The following THSD4 variants were observed in gnomAD, a reference collection of about 807,000 sequenced individuals.
The protein encoded by THSD4 is thrombospondin type-1 domain-containing protein 4.
THSD4 carries 69 observed loss-of-function variants against 119.0 expected under a neutral mutation model. The ratio of observed to expected loss-of-function variants is 0.58; its 90% CI spans 0.48 to 0.71. The LOEUF is 0.71. Among genes scored for constraint, THSD4 ranks in the 30% least tolerant of loss-of-function variants. The probability of loss-of-function intolerance (pLI) is 0.00; values close to 1 mark genes in which losing one functional copy is unlikely to be tolerated. For synonymous variants in THSD4, 524 were observed against 540.4 expected, an observed-to-expected ratio of 0.97 and a Z score of 0.42; for missense variants, 1,393 against 1,391.1, an observed-to-expected ratio of 1.00 and a Z score of -0.02.
chr15:71,360,950 A>G (rs572693197), intron 6 of THSD4, among the ~76,000 whole-genome samples: 3 of 152,342 alleles, frequency 2.0e-5, no homozygotes, highest in South Asian at 2.1e-4. Context: ...GAGGTATACC[A>G]TACAATTTGG....
At chr15:71,365,886 A>G (rs2045955299) in intron 6 of THSD4, among the ~76,000 whole-genome samples, 1 of 152,190 alleles carries the variant, frequency 6.6e-6, no homozygotes, top group Non-Finnish European at 1.5e-5. Flanking sequence ...CAACACAGTC[A>G]CAGTCGCAAG....
intron 15 of THSD4, among the ~76,000 whole-genome samples, chr15:71,762,200 T>G (rs545554308): frequency 8.0e-5 from 12 of 150,426 alleles, no homozygotes; most frequent in Non-Finnish European, 1.6e-4. Flanking sequence ...TACACACACA[T>G]GAACACATTC....
At chr15:71,738,990 C>T (rs1040028978) in intron 11 of THSD4, among the ~76,000 whole-genome samples, 15 of 151,504 alleles carry the variant, frequency 9.9e-5, no homozygotes, top group Admixed American at 6.6e-4. Context: ...CATTAATAAA[C>T]GGAATACACT....
chr15:71,172,968 A>G (rs796759532), intron 3 of THSD4, among the ~76,000 whole-genome samples: 1 of 151,866 alleles, frequency 6.6e-6, no homozygotes, highest in Admixed American at 6.6e-5. Context: ...CAAAAACAAT[A>G]CAAGGATGCC....
rs1373019430 is a variant in THSD4 at position 71,781,317 on chromosome 15, A to T, written c.*3943A>T. Reference sequence around the variant, plus strand: ...TTTGGGCTAAAATGAAAAACTAAATACAAGGTGGGAGAGAGGCAAGAATTT... The same window carrying T: ...TTTGGGCTAAAATGAAAAACTAAATTCAAGGTGGGAGAGAGGCAAGAATTT... On this transcript the variant is annotated 3_prime_UTR_variant, in exon 18 of 18. Transcript: ENST00000261862. 6.5e-6 allele frequency: 1 copy of T among 154,498 alleles called. No individual in the cohort carries two copies. The highest frequency in any genetic ancestry group is 1.4e-5 in the Non-Finnish European group (1 of 69,446). 9.6% of individuals were successfully genotyped at this position (154,498 alleles called of 1,614,324 possible). A position where few individuals can be genotyped will look rare whatever the true frequency, so the allele number is the denominator to read the frequency against.
At chr15:71,459,318 C>G (rs1186868970) in intron 7 of THSD4, among the ~76,000 whole-genome samples, 1 of 151,318 alleles carries the variant, frequency 6.6e-6, no homozygotes, top group East Asian at 2.0e-4. Context: ...GCCACCATGC[C>G]CAACTATCTC....
chr15:71,195,629 A>G (rs1363010133), intron 3 of THSD4, among the ~76,000 whole-genome samples: 2 of 152,170 alleles, frequency 1.3e-5, no homozygotes, highest in African/African-American at 4.8e-5. Context: ...TAGGCGAGAT[A>G]GACTTTATCC....
At chr15:71,705,597 C>T (rs1379722441) in intron 8 of THSD4, among the ~76,000 whole-genome samples, 1 of 152,134 alleles carries the variant, frequency 6.6e-6, no homozygotes, top group Non-Finnish European at 1.5e-5. Context: ...GGCTGGCCCA[C>T]CCCTTATTCT....
At chr15:71,701,927 G>A (rs1430267963) in intron 8 of THSD4, among the ~76,000 whole-genome samples, 1 of 152,122 alleles carries the variant, frequency 6.6e-6, no homozygotes, top group South Asian at 2.1e-4. Flanking sequence ...AATTAAAATT[G>A]TGCTGATGAA....
chr15:71,638,718 G>T (rs1318251844), intron 7 of THSD4, among the ~76,000 whole-genome samples: 1 of 152,156 alleles, frequency 6.6e-6, no homozygotes, highest in Admixed American at 6.5e-5. Context: ...TTTAGTCTTT[G>T]TCATGAAATT....
At chr15:71,512,865 G>T (rs911854620) in intron 7 of THSD4, among the ~76,000 whole-genome samples, 1 of 152,222 alleles carries the variant, frequency 6.6e-6, no homozygotes, top group East Asian at 1.9e-4. Context: ...ACAGGGACTT[G>T]CTTCTTTGCC....
intron 7 of THSD4, among the ~76,000 whole-genome samples, chr15:71,422,082 TC>T (rs2046816194): frequency 6.6e-6 from 1 of 152,252 alleles, no homozygotes; most frequent in Admixed American, 6.5e-5. Flanking sequence ...CTGCTGAGTT[TC>T]CTCAAGACAG....
chr15:71,498,487 C>A (rs2048061241), intron 7 of THSD4, among the ~76,000 whole-genome samples: 1 of 152,182 alleles, frequency 6.6e-6, no homozygotes, highest in Admixed American at 6.5e-5. Context: ...ATACAAATCC[C>A]ATGGCTGCCT....
intron 6 of THSD4, among the ~76,000 whole-genome samples, chr15:71,389,465 CTT>C (rs71154766): frequency 4.2e-5 from 6 of 143,784 alleles, no homozygotes; most frequent in Non-Finnish European, 6.0e-5. Context: ...AGAATTTCCT[CTT>C]TTTTTTTTTT....
chr15:71,236,994 G>T (rs2044110837), intron 4 of THSD4, among the ~76,000 whole-genome samples: 1 of 152,200 alleles, frequency 6.6e-6, no homozygotes, highest in Admixed American at 6.5e-5. Context: ...AGCAGCTGAG[G>T]AGGAGGAAAC....
intron 7 of THSD4, among the ~76,000 whole-genome samples, chr15:71,471,475 A>G (rs1179902489): frequency 6.6e-6 from 1 of 151,994 alleles, no homozygotes; most frequent in African/African-American, 2.4e-5. Context: ...TCTTAAGGAT[A>G]CAGTGTGCCC....
chr15:71,643,166 T>C (rs74511283), intron 7 of THSD4, among the ~76,000 whole-genome samples: 489 of 152,274 alleles, frequency 3.2e-3, no homozygotes, highest in Non-Finnish European at 5.4e-3. Flanking sequence ...CCCATGCATA[T>C]GCTAAATCAT....
chr15:71,497,300 G>A (rs2048034215), intron 7 of THSD4, among the ~76,000 whole-genome samples: 1 of 152,150 alleles, frequency 6.6e-6, no homozygotes, highest in Admixed American at 6.5e-5. Context: ...ATCACTTGAG[G>A]TCAGGAGTTC....
intron 7 of THSD4, among the ~76,000 whole-genome samples, chr15:71,566,305 A>T (rs1448924717): frequency 1.3e-5 from 2 of 152,128 alleles, no homozygotes; most frequent in Admixed American, 6.5e-5. Context: ...AAATAGCTAT[A>T]AGTAAAAATA....
Sources: gnomAD v4.1 joint callset for allele counts (sites outside exome capture counted in the v4.1 genomes callset) on GRCh38, gnomAD v4.1.1 for gene constraint, MANE v1.5 for transcripts, NCBI Gene and HGNC (gene_info 2026-07-23, HGNC 2026-07-21) for gene names.